PKIB: variants seen among roughly 807,000 people sequenced by gnomAD.
PKIB encodes the protein PKI-beta.
PKIB carries 2 observed loss-of-function variants against 4.5 expected under a neutral mutation model. That is an observed-to-expected ratio of 0.44 (90% CI 0.18 to 1.39). The LOEUF (loss-of-function observed/expected upper bound fraction) is 1.39, where lower values mean the gene tolerates loss of function less well. Ranked by LOEUF, PKIB falls within the 40% of genes most tolerant of loss-of-function variation. PKIB has a pLI of 0.27. For synonymous variants in PKIB, 38 were observed against 36.0 expected (o/e 1.06, Z -0.20); for missense variants, 94 against 92.6 (o/e 1.02, Z -0.06).
Position 122,476,366 on chromosome 6 carries a change from T to C in PKIB, c.-336-1485T>C, listed in dbSNP as rs78553344. On this transcript the variant is annotated intron_variant, in intron 1 of 6. Coordinates refer to the PKIB transcript ENST00000392491. ...AAACTTAGAATTGGAAGAGACCATA[T>C]TCTGATTAAAGACATGCTTTTATCT... 2.2e-3 allele frequency among the ~76,000 whole-genome samples: 334 copies of C among 152,302 alleles called. 7 individuals carry two copies. The East Asian group carries it at 0.043, about 20-fold the overall frequency.
At chr6:122,592,426 G>C (rs527719868) in intron 3 of PKIB, among the ~76,000 whole-genome samples, 9 of 152,200 alleles carry the variant, frequency 5.9e-5, no homozygotes, top group Admixed American at 2.0e-4. Context: ...AGTAAATTCT[G>C]AAAAATTTTG....
intron 1 of PKIB, among the ~76,000 whole-genome samples, chr6:122,617,851 A>G (rs545312682): frequency 3.7e-4 from 56 of 152,282 alleles, no homozygotes; most frequent in Admixed American, 7.2e-4. Flanking sequence ...ACATGCATCC[A>G]TAATTGTTTT....
chr6:122,629,669 G>A, intron 1 of PKIB, among the ~76,000 whole-genome samples: 1 of 152,122 alleles, frequency 6.6e-6, no homozygotes, highest in East Asian at 1.9e-4. Context: ...ATGCCATACT[G>A]ATATTATAGA....
chr6:122,559,020 G>T (rs142488438), intron 2 of PKIB, among the ~76,000 whole-genome samples: 2,197 of 152,102 alleles, frequency 0.014, 54 homozygotes, highest in African/African-American at 0.051. Flanking sequence ...CCATTCCTGA[G>T]TTACTTCACT....
At chr6:122,474,080 C>G (rs1775386992) in intron 1 of PKIB, among the ~76,000 whole-genome samples, 1 of 152,180 alleles carries the variant, frequency 6.6e-6, no homozygotes, top group African/African-American at 2.4e-5. Flanking sequence ...TTGCAGTGAG[C>G]TGGGATCGTG....
At chr6:122,597,137 T>C (rs1321393128) in intron 3 of PKIB, among the ~76,000 whole-genome samples, 1 of 152,188 alleles carries the variant, frequency 6.6e-6, no homozygotes, top group African/African-American at 2.4e-5. Context: ...TCCTCTGGCA[T>C]GGAAATGTCT....
chr6:122,552,530 C>A (rs1772707612), intron 2 of PKIB, among the ~76,000 whole-genome samples: 1 of 152,048 alleles, frequency 6.6e-6, no homozygotes, highest in African/African-American at 2.4e-5. Context: ...GTGTGTGCCA[C>A]CATGCCCAGC....
At chr6:122,481,574 T>C (rs1002242926) in intron 2 of PKIB, 2 of 150,766 alleles carry the variant, frequency 1.3e-5, no homozygotes, top group Non-Finnish European at 2.9e-5. Flanking sequence ...TGTAGAAAAG[T>C]ATTATATTTT....
At chr6:122,551,033 A>G (rs1772660293) in intron 2 of PKIB, among the ~76,000 whole-genome samples, 1 of 152,154 alleles carries the variant, frequency 6.6e-6, no homozygotes, top group Non-Finnish European at 1.5e-5. Context: ...TCATCTTTGC[A>G]TGGCATTCTA....
At chr6:122,712,415 T>C (rs1456784252) in intron 3 of PKIB, among the ~76,000 whole-genome samples, 2 of 152,180 alleles carry the variant, frequency 1.3e-5, no homozygotes, top group Admixed American at 6.5e-5. Context: ...CAGAAAATTA[T>C]ATGAAATAAA....
intron 3 of PKIB, among the ~76,000 whole-genome samples, chr6:122,591,710 TTTA>T (rs999055348): frequency 2.4e-4 from 37 of 152,130 alleles, no homozygotes; most frequent in Admixed American, 1.0e-3. Context: ...TATGTATTTA[TTTA>T]TTATTTTTAT....
At chr6:122,631,925 GA>G (rs1775719869) in intron 1 of PKIB, among the ~76,000 whole-genome samples, 1 of 152,186 alleles carries the variant, frequency 6.6e-6, no homozygotes, top group Non-Finnish European at 1.5e-5. Context: ...GAATCATAGT[GA>G]AATATCTCCA....
chr6:122,563,997 A>G (rs192841513), intron 2 of PKIB, among the ~76,000 whole-genome samples: 11 of 152,262 alleles, frequency 7.2e-5, no homozygotes, highest in African/African-American at 2.4e-4. Flanking sequence ...ATATTATTAC[A>G]AAGTTCTGCT....
At chr6:122,688,941 C>T (rs1038789577) in intron 3 of PKIB, among the ~76,000 whole-genome samples, 8 of 152,026 alleles carry the variant, frequency 5.3e-5, no homozygotes, top group Admixed American at 6.5e-5. Context: ...CCACCACGCC[C>T]GTCTAATTTT....
chr6:122,645,532 C>T (rs1776276189), intron 2 of PKIB, among the ~76,000 whole-genome samples: 1 of 152,272 alleles, frequency 6.6e-6, no homozygotes, highest in South Asian at 2.1e-4. Flanking sequence ...GTTGTGGTGA[C>T]ACAGAGTCTG....
chr6:122,599,772 C>T (rs112269175), intron 3 of PKIB, among the ~76,000 whole-genome samples: 114 of 152,176 alleles, frequency 7.5e-4, no homozygotes, highest in Middle Eastern at 3.4e-3. Context: ...AAACAGTTGC[C>T]GCTAAGCACT....
At chr6:122,702,325 ACT>A (rs1778851961) in intron 3 of PKIB, among the ~76,000 whole-genome samples, 1 of 133,024 alleles carries the variant, frequency 7.5e-6, no homozygotes, top group East Asian at 2.2e-4. Flanking sequence ...TTTTAAAAAA[ACT>A]TTTTTTTTTT....
At chr6:122,573,245 C>T (rs1773422110) in intron 2 of PKIB, among the ~76,000 whole-genome samples, 1 of 152,004 alleles carries the variant, frequency 6.6e-6, no homozygotes, top group Non-Finnish European at 1.5e-5. Flanking sequence ...AATCCAAAAG[C>T]ACATCCAAAA....
intron 3 of PKIB, among the ~76,000 whole-genome samples, chr6:122,598,239 G>A (rs1477262834): frequency 1.3e-5 from 2 of 152,094 alleles, no homozygotes; most frequent in African/African-American, 2.4e-5. Flanking sequence ...CTGTCCATTC[G>A]ACCTAGAAGT....
Sources: gnomAD v4.1 joint callset for allele counts (sites outside exome capture counted in the v4.1 genomes callset) on GRCh38, gnomAD v4.1.1 for gene constraint, MANE v1.5 for transcripts, NCBI Gene and HGNC (gene_info 2026-07-23, HGNC 2026-07-21) for gene names.